Variants in WNT4 observed in about 807,000 individuals in gnomAD.
The protein encoded by WNT4 is protein Wnt-4.
Under a neutral mutation model 34.5 loss-of-function variants are expected in WNT4, and 16 were observed. The observed-to-expected ratio is 0.46, with a 90% CI of 0.31 to 0.70. WNT4 has a LOEUF of 0.70. Among genes scored for constraint, WNT4 ranks in the 30% least tolerant of loss-of-function variants. WNT4 has a pLI of 0.04. For missense variants in WNT4, 379 were observed against 495.9 expected, an observed-to-expected ratio of 0.76 and a Z score of 2.24; for synonymous variants, 200 against 211.9, an observed-to-expected ratio of 0.94 and a Z score of 0.49.
rs1645868937 is a variant in WNT4, at chr1:22,118,912, G to T, written c.*1138C>A. 6.6e-6 allele frequency: 1 copy of T among 152,326 alleles called. No homozygotes were observed. The highest frequency in any genetic ancestry group is 1.5e-5 in the Non-Finnish European group (1 of 68,128). The allele number at this position is 152,326 out of a possible 1,614,324, so 9.4% of individuals were successfully genotyped here. ...TGTCAGATGGGCATTAGCATTCTTGGTTTGTCTGCTTCCCAGGACTGTTGT... is the reference window on the plus strand; with the variant it reads ...TGTCAGATGGGCATTAGCATTCTTGTTTTGTCTGCTTCCCAGGACTGTTGT... On this transcript the variant is annotated 3_prime_UTR_variant, in exon 5 of 5. Coordinates refer to ENST00000290167, the MANE Select transcript of WNT4 (RefSeq NM_030761.5).
chr1:22,142,791 G>T lies in WNT4; in HGVS notation c.77+55C>A. On this transcript the variant is annotated intron_variant, in intron 1 of 4. Coordinates refer to ENST00000290167, the MANE Select transcript of WNT4 (RefSeq NM_030761.5). The surrounding 1 kb of genome is among the most constrained non-coding windows in gnomAD (Gnocchi z 6.0). ...CCCGCGCCGCCTGGCACCGGCCGCT[G>T]CCCCCGGGGCCTGCCCCGCCCCGCC... is the stretch of plus-strand genomic sequence containing the variant. The T allele has an allele frequency of 9.8e-7, 1 of 1,022,596 alleles. No homozygotes were observed. Among genetic ancestry groups the T allele is most frequent in the South Asian group, 3.0e-5 (1 of 32,848 alleles). 63.3% of individuals were successfully genotyped at this position (1,022,596 alleles called of 1,614,324 possible).
intron 2 of WNT4, among the ~76,000 whole-genome samples, chr1:22,125,148 C>T (rs537308182): frequency 2.6e-5 from 4 of 152,276 alleles, no homozygotes; most frequent in South Asian, 2.1e-4. Flanking sequence ...TGAGTGTTCT[C>T]GACTCTAACA....
chr1:22,120,028 C>T lies in WNT4; in HGVS notation c.*22G>A, dbSNP rs1250753406. The T allele has an allele frequency of 2.0e-5, 32 of 1,602,650 alleles. 1 individual carries two copies. The highest frequency in any genetic ancestry group is 4.5e-5 in the East Asian group (2 of 44,852). On this transcript the variant is annotated 3_prime_UTR_variant, in exon 5 of 5. Coordinates refer to ENST00000290167, the MANE Select transcript of WNT4 (RefSeq NM_030761.5). ...CTTCCCTGGGCCACTAGGTGGTTGCCGGCGCAGGGCTAGGCAGGCGGTCAT... is the reference window on the plus strand; with the variant it reads ...CTTCCCTGGGCCACTAGGTGGTTGCTGGCGCAGGGCTAGGCAGGCGGTCAT...
Position 22,129,812 on chromosome 1 carries a change from C to A in WNT4, c.117G>T (p.Glu39Asp), listed in dbSNP as rs747875232. 9 of 1,613,940 alleles carry A rather than the reference C, an allele frequency of 5.6e-6. No individual in the cohort carries two copies. In the African/African-American group the frequency reaches 1.2e-4, roughly 22 times the overall value. ...AKLSSVGSIS[E>D]EETCEKLKGL... is the part of the protein sequence containing the mutation. ...CCTTGAGTTTCTCGCACGTCTCCTC[C>A]TCTGAGATGCTCCCCACCGACGACA... The change falls in exon 2 of 5, where the codon GAG (glutamate) becomes GAT (aspartate). Residue 39 changes from glutamate (E) to aspartate (D), a missense_variant. Coordinates refer to ENST00000290167, the MANE Select transcript of WNT4 (RefSeq NM_030761.5).
At chr1:22,135,116 C>A (rs933420047) in intron 1 of WNT4, among the ~76,000 whole-genome samples, 2 of 152,104 alleles carry the variant, frequency 1.3e-5, no homozygotes, top group Non-Finnish European at 2.9e-5. Flanking sequence ...ACATCAAGAG[C>A]TGGGACACTG....
intron 1 of WNT4, among the ~76,000 whole-genome samples, chr1:22,130,150 G>A (rs529462065): frequency 6.6e-5 from 10 of 152,156 alleles, no homozygotes; most frequent in East Asian, 1.9e-4. Flanking sequence ...GGCAGCCCCC[G>A]TGCCACTGTC....
In WNT4 at chr1:22,140,399, GTCA is replaced by G; in HGVS notation, c.77+2444_77+2446del. On this transcript the variant is annotated intron_variant, in intron 1 of 4. Transcript: ENST00000290167. This position sits in a 1 kb window ranked among gnomAD's most constrained non-coding sequence, Gnocchi z 5.9. ...TTGGGATTTAGATCATGCTGTGGGAGTCATCATAATAATTATTATTGTCATGAT... is the reference window on the plus strand; with the variant it reads ...TTGGGATTTAGATCATGCTGTGGGAGTCATAATAATTATTATTGTCATGAT... The G allele has an allele frequency of 2.7e-6, 1 of 371,058 alleles. No homozygotes were observed. The highest frequency in any genetic ancestry group is 3.7e-6 in the Non-Finnish European group (1 of 268,444). 23.0% of individuals were successfully genotyped at this position (371,058 alleles called of 1,614,324 possible).
chr1:22,117,324 T>C lies in WNT4; in HGVS notation c.*2726A>G, dbSNP rs1645857876. ...TCACAATTGCAAGATAAAGAAATAA[T>C]TGTTTTATCGTGCATCAGACTATGT... On this transcript the variant is annotated 3_prime_UTR_variant, in exon 5 of 5. Coordinates refer to ENST00000290167, the MANE Select transcript of WNT4 (RefSeq NM_030761.5). The C allele has an allele frequency of 6.6e-6, 1 of 152,252 alleles. No homozygotes were observed. Among genetic ancestry groups the C allele is most frequent in the Non-Finnish European group, 1.5e-5 (1 of 68,040 alleles). The allele number at this position is 152,252 out of a possible 1,614,324, so 9.4% of individuals were successfully genotyped here. A position where few individuals can be genotyped will look rare whatever the true frequency, so the allele number is the denominator to read the frequency against.
chr1:22,121,232 G>A lies in WNT4; in HGVS notation c.567C>T (p.His189=), dbSNP rs780534323. 24 of 1,614,088 alleles carry A rather than the reference G, an allele frequency of 1.5e-5. No individual in the cohort carries two copies. The highest frequency in any genetic ancestry group is 3.3e-4 in the Middle Eastern group (2 of 6,062). Residue 189 remains histidine, a synonymous_variant, in exon 4 of 5, where the codon CAC becomes CAT. Coordinates refer to ENST00000290167, the MANE Select transcript of WNT4 (RefSeq NM_030761.5). Reference sequence around the variant, plus strand: ...CTACCTTCCTGCCGGCCTCATTGTTGTGGAGGTTCATGAGGGCTCTGCTGG... The same window carrying A: ...CTACCTTCCTGCCGGCCTCATTGTTATGGAGGTTCATGAGGGCTCTGCTGG... ...ASSSRALMNL[H]NNEAGRKAIL... is the part of the protein sequence containing the mutation.
intron 2 of WNT4, among the ~76,000 whole-genome samples, chr1:22,125,512 G>C (rs1645933543): frequency 6.6e-6 from 1 of 152,200 alleles, no homozygotes; most frequent in Non-Finnish European, 1.5e-5. Context: ...GGTCCAGGTG[G>C]TGCCACAGTC....
chr1:22,140,402 A>G lies in WNT4; in HGVS notation c.77+2444T>C, dbSNP rs1646057010. ...GGATTTAGATCATGCTGTGGGAGTC[A>G]TCATAATAATTATTATTGTCATGAT... On this transcript the variant is annotated intron_variant, in intron 1 of 4. Transcript: ENST00000290167. This position sits in a 1 kb window ranked among gnomAD's most constrained non-coding sequence, Gnocchi z 5.9. The G allele has an allele frequency of 2.8e-6, 1 of 352,750 alleles. No homozygotes were observed. The highest frequency in any genetic ancestry group is 4.0e-6 in the Non-Finnish European group (1 of 251,760). 21.9% of individuals were successfully genotyped at this position (352,750 alleles called of 1,614,324 possible). A position where few individuals can be genotyped will look rare whatever the true frequency, so the allele number is the denominator to read the frequency against.
At chr1:22,122,606 T>G (rs1217094765) in intron 2 of WNT4, among the ~76,000 whole-genome samples, 1 of 152,130 alleles carries the variant, frequency 6.6e-6, no homozygotes. Flanking sequence ...CTGGGCCCTG[T>G]GAGGAGGGCC....
In WNT4 at chr1:22,137,540, A is replaced by G. The variant is rs1204199033; in HGVS notation, c.77+5306T>C. Among the ~76,000 whole-genome samples the G allele has an allele frequency of 6.6e-6, 1 of 152,206 alleles. No homozygotes were observed. The highest frequency in any genetic ancestry group is 2.4e-5 in the African/African-American group (1 of 41,458). On this transcript the variant is annotated intron_variant, in intron 1 of 4. Transcript: ENST00000290167. The surrounding 1 kb of genome is among the most constrained non-coding windows in gnomAD (Gnocchi z 5.3). ...GAACAAGAGGAGGAGGCTTGGTGCA[A>G]ATGCTCAGCTTTCCCAGTGTACCCA...
chr1:22,130,475 G>A (rs1397452588), intron 1 of WNT4, among the ~76,000 whole-genome samples: 1 of 152,224 alleles, frequency 6.6e-6, no homozygotes, highest in East Asian at 1.9e-4. Flanking sequence ...GGGCTGTGTG[G>A]ACGCTTCAAA....
chr1:22,124,147 A>C (rs1054274296), intron 2 of WNT4, among the ~76,000 whole-genome samples: 1 of 152,226 alleles, frequency 6.6e-6, no homozygotes, highest in African/African-American at 2.4e-5. Context: ...GATATAGAGA[A>C]AGAACTGTAG....
intron 2 of WNT4, among the ~76,000 whole-genome samples, 171 bp downstream of exon 2, chr1:22,129,445 T>C (rs1645965447): frequency 6.6e-6 from 1 of 152,210 alleles, no homozygotes; most frequent in African/African-American, 2.4e-5. Context: ...CATCCTCCTG[T>C]CCTGGGGCCC....
intron 4 of WNT4, 148 bp downstream of exon 4, chr1:22,121,063 G>A: frequency 7.3e-7 from 1 of 1,369,004 alleles, no homozygotes; most frequent in Non-Finnish European, 9.9e-7. Flanking sequence ...CCTCTGGCCT[G>A]TCCTGAACCC....
rs1193157531 is a variant in WNT4, at chr1:22,134,460, C to T, written c.78-4609G>A. On this transcript the variant is annotated intron_variant, in intron 1 of 4. Coordinates refer to ENST00000290167, the MANE Select transcript of WNT4 (RefSeq NM_030761.5). This position sits in a 1 kb window ranked among gnomAD's most constrained non-coding sequence, Gnocchi z 4.1. ...TTTCTATAACCACAGTCTTGGTATC[C>T]TGCTGTGCTCCCCCTGATGGTGCCC... Among the ~76,000 whole-genome samples, 1 of 152,188 alleles carries T rather than the reference C, an allele frequency of 6.6e-6. No individual in the cohort carries two copies. The highest frequency in any genetic ancestry group is 1.5e-5 in the Non-Finnish European group (1 of 68,034).
chr1:22,121,674 G>A (rs1645899807), intron 2 of WNT4, 98 bp from the exon 3 acceptor site: 2 of 1,537,514 alleles, frequency 1.3e-6, no homozygotes, highest in South Asian at 1.2e-5. Flanking sequence ...CCTGCTTGCT[G>A]GAGGCCAGGA....
Sources: allele counts gnomAD v4.1 joint callset (sites outside exome capture counted in the v4.1 genomes callset), GRCh38; gene constraint gnomAD v4.1.1; non-coding constraint Gnocchi (gnomAD v3.1); transcripts MANE v1.5; gene names NCBI Gene and HGNC (gene_info 2026-07-23, HGNC 2026-07-21).